Variants in SAMD5 observed in about 807,000 individuals in gnomAD.
SAMD5 encodes sterile alpha motif domain-containing protein 5.
Under a neutral mutation model 11.3 loss-of-function variants are expected in SAMD5, and 13 were observed. The observed-to-expected ratio is 1.15, with a 90% CI of 0.75 to 1.83. The LOEUF is 1.83. Ranked by LOEUF, SAMD5 falls within the 40% of genes most tolerant of loss-of-function variation. The pLI, the probability that SAMD5 is intolerant of heterozygous loss-of-function variation, is 0.00. For missense variants in SAMD5, 255 were observed against 239.1 expected (o/e 1.07, Z -0.44); for synonymous variants, 129 against 111.3 (o/e 1.16, Z -1.00).
the SAMD5 span, among the ~76,000 whole-genome samples, chr6:147,909,632 C>CTTTCTTTCTTTCTTTCTTTCTTTCTT: frequency 1.6e-3 from 97 of 61,170 alleles, 16 homozygotes; most frequent in African/African-American, 7.2e-3. Flanking sequence ...TTCTTTCTTT[C>CTTTCTTTCTTTCTTTCTTTCTTTCTT]TCTTTCTTGT....
chr6:147,802,950 C>T, the SAMD5 span, among the ~76,000 whole-genome samples: 1 of 152,168 alleles, frequency 6.6e-6, no homozygotes, highest in Non-Finnish European at 1.5e-5. Flanking sequence ...TATGTGTTGA[C>T]TGGTTGTGTA....
chr6:147,630,455 T>C (rs984357352), intron 1 of SAMD5, among the ~76,000 whole-genome samples: 1 of 152,046 alleles, frequency 6.6e-6, no homozygotes, highest in East Asian at 1.9e-4. Context: ...TAAGTGAAAA[T>C]GGCCGGTTCC....
At chr6:147,926,341 G>C in the SAMD5 span, among the ~76,000 whole-genome samples, 1 of 152,076 alleles carries the variant, frequency 6.6e-6, no homozygotes, top group Non-Finnish European at 1.5e-5. Flanking sequence ...AACCTCACCA[G>C]CATCTGTTAT....
chr6:147,566,505 G>T lies in SAMD5; in HGVS notation c.*2049G>T. On this transcript the variant is annotated 3_prime_UTR_variant, in exon 2 of 2. Transcript: ENST00000367474. ...CTTTGCTAGGAAGGACTCAATTTTTGAAAAATCTGTTATTTTCACTGTGGG... is the reference window on the plus strand; with the variant it reads ...CTTTGCTAGGAAGGACTCAATTTTTTAAAAATCTGTTATTTTCACTGTGGG... The T allele has an allele frequency of 1.0e-6, 1 of 985,644 alleles. No individual in the cohort carries two copies. The highest frequency in any genetic ancestry group is 4.7e-5 in the South Asian group (1 of 21,282). The allele number at this position is 985,644 out of a possible 1,614,324, so 61.1% of individuals were successfully genotyped here.
At chr6:147,909,618 T>TTCTCTCTCTCTCTCTCTCTCTC in the SAMD5 span, among the ~76,000 whole-genome samples, 2 of 76,420 alleles carry the variant, frequency 2.6e-5, no homozygotes, top group African/African-American at 1.7e-4. Flanking sequence ...CTTTCTTTCT[T>TTCTCTCTCTCTCTCTCTCTCTC]TCTTTCTTTC....
intron 1 of SAMD5, among the ~76,000 whole-genome samples, chr6:147,658,036 G>A (rs1790595361): frequency 1.3e-5 from 2 of 152,138 alleles, no homozygotes; most frequent in Non-Finnish European, 2.9e-5. Flanking sequence ...TTAAAAATGT[G>A]GAAAAAATAG....
At position 147,523,556 on chromosome 6, in the gene SAMD5, A is replaced by G. The variant is rs1788288691; in HGVS notation, c.459+14169A>G. On this transcript the variant is annotated intron_variant, in intron 1 of 1. Coordinates refer to ENST00000367474, the MANE Select transcript of SAMD5 (RefSeq NM_001030060.3). ...TATCAATACAGAATGGAACACTGCTATATTAAGATGCACTCCTCTGGGAAG... is the reference window on the plus strand; with the variant it reads ...TATCAATACAGAATGGAACACTGCTGTATTAAGATGCACTCCTCTGGGAAG... 2.0e-5 allele frequency among the ~76,000 whole-genome samples: 3 copies of G among 152,334 alleles called. No individual in the cohort carries two copies. In the South Asian group the frequency reaches 6.2e-4, roughly 32 times the overall value.
the SAMD5 span, among the ~76,000 whole-genome samples, chr6:147,787,639 G>A: frequency 6.6e-6 from 1 of 152,152 alleles, no homozygotes; most frequent in African/African-American, 2.4e-5. Context: ...GCAATTTTCT[G>A]CAGTGACTGT....
At chr6:147,714,357 T>A (rs1018855119) in intron 1 of SAMD5, among the ~76,000 whole-genome samples, 3 of 152,198 alleles carry the variant, frequency 2.0e-5, no homozygotes, top group Non-Finnish European at 2.9e-5. Context: ...TCATGCACTC[T>A]GTGGGAAGGC....
chr6:147,634,408 G>A (rs765944536), intron 1 of SAMD5, among the ~76,000 whole-genome samples: 11 of 152,152 alleles, frequency 7.2e-5, no homozygotes, highest in Non-Finnish European at 1.3e-4. Flanking sequence ...ATAGCAAGGG[G>A]GATATCTGAC....
the SAMD5 span, among the ~76,000 whole-genome samples, chr6:147,876,125 A>G: frequency 6.6e-6 from 1 of 152,182 alleles, no homozygotes; most frequent in African/African-American, 2.4e-5. Flanking sequence ...GAAGATCCCT[A>G]TGCCTGGCTG....
intron 1 of SAMD5, among the ~76,000 whole-genome samples, chr6:147,614,594 C>T (rs2128449455): frequency 6.6e-6 from 1 of 152,006 alleles, no homozygotes; most frequent in African/African-American, 2.4e-5. Flanking sequence ...CATATGATCC[C>T]ATGTCTATGA....
At chr6:147,628,524 G>C (rs527315712) in intron 1 of SAMD5, among the ~76,000 whole-genome samples, 4 of 152,308 alleles carry the variant, frequency 2.6e-5, no homozygotes, top group African/African-American at 9.6e-5. Flanking sequence ...GAGTGATAGG[G>C]AGGGAAAGGT....
At chr6:147,632,394 G>A (rs12210694) in intron 1 of SAMD5, among the ~76,000 whole-genome samples, 9,744 of 152,262 alleles carry the variant, frequency 0.064, 430 homozygotes, top group Non-Finnish European at 0.098. Context: ...TTTTGCAAGA[G>A]TGAGGGCTCG....
At chr6:147,714,090 A>T (rs1791433995) in intron 1 of SAMD5, among the ~76,000 whole-genome samples, 1 of 152,198 alleles carries the variant, frequency 6.6e-6, no homozygotes, top group Admixed American at 6.5e-5. Context: ...AATAATGGGC[A>T]CCTTCGCCCA....
chr6:147,809,037 A>G, the SAMD5 span, among the ~76,000 whole-genome samples: 2 of 152,222 alleles, frequency 1.3e-5, no homozygotes, highest in Non-Finnish European at 2.9e-5. Context: ...GATTGCATGT[A>G]TAGTGAGTTA....
At chr6:147,660,018 C>A (rs148073439) in intron 1 of SAMD5, among the ~76,000 whole-genome samples, 18 of 152,176 alleles carry the variant, frequency 1.2e-4, no homozygotes, top group African/African-American at 4.1e-4. Context: ...ATTAGGAGCA[C>A]CCTGACCGAA....
At chr6:147,746,100 C>T in the SAMD5 span, among the ~76,000 whole-genome samples, 1 of 152,112 alleles carries the variant, frequency 6.6e-6, no homozygotes, top group East Asian at 1.9e-4. Context: ...TATTTCCATC[C>T]CTGTTTCACT....
intron 1 of SAMD5, among the ~76,000 whole-genome samples, chr6:147,552,574 T>C (rs1788791482): frequency 6.6e-6 from 1 of 152,216 alleles, no homozygotes; most frequent in Admixed American, 6.5e-5. Context: ...GTGTTTTATA[T>C]AAACACATTT....
Sources: allele counts gnomAD v4.1 joint callset (sites outside exome capture counted in the v4.1 genomes callset), GRCh38; gene constraint gnomAD v4.1.1; transcripts MANE v1.5; gene names NCBI Gene and HGNC (gene_info 2026-07-23, HGNC 2026-07-21).